The following DLG5 variants were observed in gnomAD, a reference collection of about 807,000 sequenced individuals.
DLG5 encodes disks large homolog 5.
In DLG5, 48 loss-of-function variants were observed where a neutral mutation model predicts 189.8. The observed-to-expected ratio is 0.25, with a 90% confidence interval of 0.20 to 0.32. The LOEUF (loss-of-function observed/expected upper bound fraction) is 0.32, where lower values mean the gene tolerates loss of function less well. DLG5 is among the 10% of genes least tolerant of loss of function. DLG5 has a pLI of 1.00. For missense variants in DLG5, 2,160 were observed against 2,544.7 expected (o/e 0.85, Z 3.25); for synonymous variants, 1,016 against 1,054.1 (o/e 0.96, Z 0.70).
chr10:77,867,393 G>A (rs879259592), intron 2 of DLG5, among the ~76,000 whole-genome samples: 2 of 152,154 alleles, frequency 1.3e-5, no homozygotes, highest in South Asian at 4.1e-4. Flanking sequence ...CAGGTCAGAG[G>A]AGTATGCTCA....
chr10:77,829,078 A>C, intron 12 of DLG5, 93 bp from the exon 13 acceptor site: 2 of 1,378,086 alleles, frequency 1.5e-6, no homozygotes, highest in Non-Finnish European at 2.0e-6. Context: ...TTCTTACAAA[A>C]GAGGATGTCA....
intron 1 of DLG5, among the ~76,000 whole-genome samples, chr10:77,893,786 A>G (rs1175539625): frequency 6.6e-6 from 1 of 152,220 alleles, no homozygotes. Flanking sequence ...TGGTTTTCTA[A>G]TTCTCCCTGG....
chr10:77,932,342 TC>T, the DLG5 span, among the ~76,000 whole-genome samples: 1 of 152,188 alleles, frequency 6.6e-6, no homozygotes, highest in African/African-American at 2.4e-5. Flanking sequence ...CTGCTGTATC[TC>T]CACAGCACTG....
chr10:77,807,955 TG>T lies in DLG5; in HGVS notation c.4648-12del, dbSNP rs1301240124. The T allele has an allele frequency of 1.2e-6, 2 of 1,613,840 alleles. No homozygotes were observed. The highest frequency in any genetic ancestry group is 2.7e-5 in the African/African-American group (2 of 74,954). On this transcript the variant is annotated splice_polypyrimidine_tract_variant and intron_variant, in intron 24 of 31. Coordinates refer to ENST00000372391, the MANE Select transcript of DLG5 (RefSeq NM_004747.4). The stretch of plus-strand genomic sequence containing the variant: ...GTCCAGGCTGCCATACTGCCAGGGA[TG>T]GGGGTGGATGCATCAGAAGGCAGAA...
chr10:77,820,138 G>T, intron 15 of DLG5, 120 bp from the exon 16 acceptor site: 1 of 1,404,280 alleles, frequency 7.1e-7, no homozygotes, highest in South Asian at 1.3e-5. Context: ...CTAAGGTCAG[G>T]AGTTCAAGAC....
At chr10:77,843,731 C>T (rs1438462971) in intron 5 of DLG5, 25 bp from the exon 6 acceptor site, 2 of 1,613,256 alleles carry the variant, frequency 1.2e-6, no homozygotes, top group African/African-American at 1.3e-5. Flanking sequence ...GTTTCACTTA[C>T]CAAGGGTCTG....
chr10:77,930,937 C>T (rs1257448287), upstream of DLG5, among the ~76,000 whole-genome samples: 1 of 149,832 alleles, frequency 6.7e-6, no homozygotes, highest in Non-Finnish European at 1.5e-5. Context: ...TCTCCTGCTT[C>T]AGCCTCCTGA....
intron 13 of DLG5, 107 bp downstream of exon 13, chr10:77,828,775 A>G (rs1327748641): frequency 5.2e-5 from 54 of 1,043,918 alleles, no homozygotes; most frequent in Non-Finnish European, 7.5e-5. Flanking sequence ...TACAATGCCC[A>G]CAACAAGGAA....
chr10:77,871,581 C>T (rs376861433), intron 1 of DLG5, among the ~76,000 whole-genome samples: 8 of 121,406 alleles, frequency 6.6e-5, no homozygotes, highest in African/African-American at 2.6e-4. Flanking sequence ...CTTGCACTGT[C>T]GCCTGGGCTG....
intron 7 of DLG5, among the ~76,000 whole-genome samples, chr10:77,838,453 C>T (rs1344539543): frequency 6.6e-6 from 1 of 152,134 alleles, no homozygotes; most frequent in Non-Finnish European, 1.5e-5. Flanking sequence ...ATATCTCTCC[C>T]CTGGGAGCTG....
At position 77,926,369 on chromosome 10, in the gene DLG5, G is replaced by GCGCCTCC; in HGVS notation, c.145_151dup (p.Ala51GlyfsTer91). 6.3e-7 allele frequency: 1 copy of GCGCCTCC among 1,599,516 alleles called. No homozygotes were observed. The highest frequency in any genetic ancestry group is 8.5e-7 in the Non-Finnish European group (1 of 1,174,956). On this transcript the variant is annotated frameshift_variant, in exon 1 of 32. Transcript: ENST00000372391. LOFTEE classifies it high-confidence loss of function. This position sits in a 1 kb window ranked among gnomAD's most constrained non-coding sequence, Gnocchi z 5.2. ...CAGCTTGAGCAGCAGCTCCGCCTTG[G>GCGCCTCC]CGCCTCCCGCCTCCTCGTCCAGCTG...
rs548421074 is a variant in DLG5, at chr10:77,817,993, A to G, written c.3672-104T>C. 111 of 906,890 alleles carry G rather than the reference A, an allele frequency of 1.2e-4. No homozygotes were observed. In the African/African-American group the frequency reaches 1.7e-3, roughly 14 times the overall value. The allele number at this position is 906,890 out of a possible 1,614,324, so 56.2% of individuals were successfully genotyped here. ...AGGCAAGGGTTCCCAAGCGGGCAGAAGGGAGGCCCAGGAGCCACTGATTAT... is the reference window on the plus strand; with the variant it reads ...AGGCAAGGGTTCCCAAGCGGGCAGAGGGGAGGCCCAGGAGCCACTGATTAT... On this transcript the variant is annotated intron_variant, in intron 17 of 31. Coordinates refer to ENST00000372391, the MANE Select transcript of DLG5 (RefSeq NM_004747.4).
At chr10:77,883,958 CAA>C (rs1053287242) in intron 1 of DLG5, among the ~76,000 whole-genome samples, 1 of 152,114 alleles carries the variant, frequency 6.6e-6, no homozygotes, top group African/African-American at 2.4e-5. Flanking sequence ...CTCAGCCTCC[CAA>C]AGTTCTGGGA....
chr10:77,936,217 A>T, the DLG5 span, among the ~76,000 whole-genome samples: 1 of 152,154 alleles, frequency 6.6e-6, no homozygotes, highest in Non-Finnish European at 1.5e-5. Flanking sequence ...AGGCAGGTGG[A>T]TCACGAGGTC....
At chr10:77,920,184 C>A (rs1298813673) in intron 1 of DLG5, among the ~76,000 whole-genome samples, 1 of 152,210 alleles carries the variant, frequency 6.6e-6, no homozygotes, top group Admixed American at 6.5e-5. Context: ...ACTACTGCCA[C>A]TGTTGTGCTA....
At chr10:77,807,685 GC>G in intron 25 of DLG5, 110 bp downstream of exon 25, 1 of 1,285,396 alleles carries the variant, frequency 7.8e-7, no homozygotes, top group Non-Finnish European at 1.1e-6. Flanking sequence ...GATGATCATG[GC>G]CCCAGCCTTG....
At chr10:77,936,893 T>A in the DLG5 span, among the ~76,000 whole-genome samples, 2 of 152,106 alleles carry the variant, frequency 1.3e-5, no homozygotes, top group Non-Finnish European at 2.9e-5. Flanking sequence ...AAGTCACAGC[T>A]GGAAAGGATC....
chr10:77,924,944 CT>C (rs1846642519), intron 1 of DLG5, among the ~76,000 whole-genome samples: 1 of 152,170 alleles, frequency 6.6e-6, no homozygotes, highest in Non-Finnish European at 1.5e-5. Context: ...ATAAGTGGGG[CT>C]TTTAACAGCC....
chr10:77,819,186 G>A, intron 17 of DLG5, 135 bp downstream of exon 17: 1 of 1,294,066 alleles, frequency 7.7e-7, no homozygotes, highest in Non-Finnish European at 1.1e-6. Context: ...CTTTCCCTGT[G>A]CTGCTCTAGC....
Sources: gnomAD v4.1 joint callset for allele counts (sites outside exome capture counted in the v4.1 genomes callset) on GRCh38, gnomAD v4.1.1 for gene constraint, Gnocchi (gnomAD v3.1) non-coding constraint, MANE v1.5 for transcripts, NCBI Gene and HGNC (gene_info 2026-07-23, HGNC 2026-07-21) for gene names.